BICRAL: variants seen among roughly 807,000 people sequenced by gnomAD.
BICRAL encodes the protein BICRA like chromatin remodeling complex associated protein.
A neutral mutation model predicts 91.8 loss-of-function variants in BICRAL; 8 were observed. That is an observed-to-expected ratio of 0.09 (90% CI 0.05 to 0.16). The LOEUF (loss-of-function observed/expected upper bound fraction) is 0.16, where lower values mean the gene tolerates loss of function less well. Ranked by LOEUF, BICRAL falls within the 10% of genes least tolerant of loss-of-function variation. The pLI is 1.00. For synonymous variants in BICRAL, 445 were observed against 491.1 expected, an observed-to-expected ratio of 0.91 and a Z score of 1.24; for missense variants, 1,038 against 1,310.9, an observed-to-expected ratio of 0.79 and a Z score of 3.21.
intron 1 of BICRAL, among the ~76,000 whole-genome samples, chr6:42,793,296 ATTTTTTTTTT>A (rs35332872): frequency 0.017 from 386 of 22,966 alleles, 6 homozygotes; most frequent in African/African-American, 0.07. Flanking sequence ...GACCCAGCTA[ATTTTTTTTTT>A]TTTTTTTTTT....
chr6:42,753,065 G>A (rs1416983812), intron 1 of BICRAL, among the ~76,000 whole-genome samples: 4 of 151,498 alleles, frequency 2.6e-5, no homozygotes, highest in Non-Finnish European at 5.9e-5. Context: ...TAGCTGGGAC[G>A]ACAGGCACTT....
At chr6:42,763,269 T>C (rs1213290615) in intron 1 of BICRAL, among the ~76,000 whole-genome samples, 3 of 152,190 alleles carry the variant, frequency 2.0e-5, no homozygotes. Flanking sequence ...CAGATGTAAG[T>C]CTTTAATACA....
intron 1 of BICRAL, among the ~76,000 whole-genome samples, chr6:42,757,376 T>C (rs1582799096): frequency 6.6e-6 from 1 of 152,030 alleles, no homozygotes; most frequent in South Asian, 2.1e-4. Flanking sequence ...CTCAGCCTCC[T>C]GAGTAGCTGA....
At position 42,821,984 on chromosome 6, in the gene BICRAL, C is replaced by A. The variant is rs776616777; in HGVS notation, c.-5-34C>A. 4.1e-6 allele frequency: 6 copies of A among 1,460,952 alleles called. No homozygotes were observed. In the South Asian group the frequency reaches 6.9e-5, roughly 17 times the overall value. The allele number at this position is 1,460,952 out of a possible 1,614,324, so 90.5% of individuals were successfully genotyped here. A position where few individuals can be genotyped will look rare whatever the true frequency, so the allele number is the denominator to read the frequency against. On this transcript the variant is annotated intron_variant, in intron 2 of 12. Transcript: ENST00000314073. Reference sequence around the variant, plus strand: ...ATACTACTGTCTTTAATCTGCTTTACTGAAACCTGTTTTCCTCTCCCTTTT... The same window carrying A: ...ATACTACTGTCTTTAATCTGCTTTAATGAAACCTGTTTTCCTCTCCCTTTT...
At position 42,863,684 on chromosome 6, in the gene BICRAL, TTC is replaced by T. The variant is rs1321641378; in HGVS notation, c.2453-973_2453-972del. Among the ~76,000 whole-genome samples the T allele has an allele frequency of 2.6e-5, 4 of 152,330 alleles. No homozygotes were observed. In the South Asian group the frequency reaches 8.3e-4, roughly 32 times the overall value. ...AACCAGGCTGACACCAGGAACTAAT[TTC>T]TGTTTTCAGACTGTTTCAAGGAGGT... On this transcript the variant is annotated intron_variant, in intron 12 of 12. Coordinates refer to ENST00000314073, the MANE Select transcript of BICRAL (RefSeq NM_001393499.1).
chr6:42,858,903 A>T (rs749907203), intron 10 of BICRAL, among the ~76,000 whole-genome samples: 2 of 152,136 alleles, frequency 1.3e-5, no homozygotes, highest in Non-Finnish European at 2.9e-5. Flanking sequence ...ATGCCTGGCC[A>T]TGCTCTTTCC....
At chr6:42,767,100 C>A (rs1762648084) in intron 1 of BICRAL, among the ~76,000 whole-genome samples, 2 of 151,108 alleles carry the variant, frequency 1.3e-5, no homozygotes, top group East Asian at 3.9e-4. Flanking sequence ...TGTAGTGAGC[C>A]AAGATTGTGC....
rs115645791 is a variant in BICRAL at position 42,814,865 on chromosome 6, A to G, written c.-6+4464A>G. ...AAAACATTTGTAATAGTGGCCACAT[A>G]CCAAATTTCAGTTTGCGCAGTCTTT... On this transcript the variant is annotated intron_variant, in intron 2 of 12. Transcript: ENST00000314073. Among the ~76,000 whole-genome samples, 1,086 of 151,988 alleles carry G rather than the reference A, an allele frequency of 7.1e-3. 6 individuals are homozygous for G. The highest frequency in any genetic ancestry group is 0.023 in the African/African-American group (959 of 41,482).
At chr6:42,851,545 T>C (rs1034942772) in intron 6 of BICRAL, among the ~76,000 whole-genome samples, 2 of 152,230 alleles carry the variant, frequency 1.3e-5, no homozygotes, top group Non-Finnish European at 2.9e-5. Context: ...TTGATTTTCA[T>C]TTCTCAATTG....
intron 1 of BICRAL, among the ~76,000 whole-genome samples, chr6:42,756,876 C>G (rs1027642901): frequency 4.7e-5 from 7 of 150,032 alleles, no homozygotes; most frequent in African/African-American, 1.7e-4. Flanking sequence ...GCTTGGCTCT[C>G]GCGCGCGCGC....
intron 9 of BICRAL, 110 bp from the exon 10 acceptor site, chr6:42,856,981 A>G (rs1396950262): frequency 1.1e-6 from 1 of 893,506 alleles, no homozygotes; most frequent in East Asian, 2.6e-5. Context: ...AAACTAAAAA[A>G]CTGCCGTATT....
At chr6:42,778,977 C>T (rs566671470), upstream of BICRAL, among the ~76,000 whole-genome samples, 74 of 152,004 alleles carry the variant, frequency 4.9e-4, no homozygotes, top group Admixed American at 1.2e-3. Flanking sequence ...GCCACCACGC[C>T]TGGCTAATTT....
rs1198143389 is a variant in BICRAL at position 42,865,355 on chromosome 6, G to A, written c.3149G>A (p.Cys1050Tyr). The stretch of plus-strand genomic sequence containing the variant: ...TCTCCTATGGCTTCACAGGAAAACT[G>A]CCTGGAAAAGTTCATCCCGGACCAC... The part of the protein sequence containing the change: ...NFSPMASQEN[C>Y]LEKFIPDHSE... The change falls in exon 13 of 13, where the codon TGC becomes TAC. Residue 1050 changes from cysteine (C) to tyrosine (Y), a missense_variant. Transcript: ENST00000314073. 6.2e-7 allele frequency: 1 copy of A among 1,613,586 alleles called. No individual in the cohort carries two copies. The highest frequency in any genetic ancestry group is 1.3e-5 in the African/African-American group (1 of 74,888).
intron 9 of BICRAL, among the ~76,000 whole-genome samples, chr6:42,856,838 G>A (rs1765374489): frequency 6.6e-6 from 1 of 152,108 alleles, no homozygotes; most frequent in African/African-American, 2.4e-5. Context: ...GTCAGGCACT[G>A]CCAAGGTTTA....
In BICRAL at chr6:42,830,075, T is replaced by G; in HGVS notation, c.1742T>G (p.Val581Gly). 1.9e-6 allele frequency: 3 copies of G among 1,614,144 alleles called. No individual in the cohort carries two copies. Among genetic ancestry groups the G allele is most frequent in the Non-Finnish European group, 2.5e-6 (3 of 1,180,006 alleles). ...LTQPNRTPVP[V>G]SVSHRLPVSS... ...CAGCCAAACAGGACTCCAGTACCAGTCAGTGTGTCTCATCGTCTTCCAGTT... is the reference window on the plus strand; with the variant it reads ...CAGCCAAACAGGACTCCAGTACCAGGCAGTGTGTCTCATCGTCTTCCAGTT... Residue 581 changes from valine (V) to glycine (G), a missense_variant, in exon 6 of 13, where the codon GTC becomes GGC. Val to Gly is a moderately radical substitution (Grantham distance 109). Coordinates refer to ENST00000314073, the MANE Select transcript of BICRAL (RefSeq NM_001393499.1).
chr6:42,825,143 C>G (rs1464900972), intron 5 of BICRAL, among the ~76,000 whole-genome samples: 1 of 151,556 alleles, frequency 6.6e-6, no homozygotes, highest in East Asian at 1.9e-4. Context: ...GCCTGTAATC[C>G]CAGCTACTCA....
chr6:42,851,117 G>A (rs1194941049), intron 6 of BICRAL, among the ~76,000 whole-genome samples: 13 of 152,112 alleles, frequency 8.5e-5, no homozygotes, highest in Admixed American at 6.6e-5. Context: ...CTTGGGAGAC[G>A]GAGGTTGCAG....
intron 1 of BICRAL, among the ~76,000 whole-genome samples, chr6:42,785,759 A>G (rs562848409): frequency 1.3e-5 from 2 of 152,178 alleles, no homozygotes; most frequent in African/African-American, 2.4e-5. Context: ...GAATATGGAT[A>G]AAAACACAGG....
intron 6 of BICRAL, among the ~76,000 whole-genome samples, chr6:42,851,629 T>C (rs1217647622): frequency 1.3e-5 from 2 of 152,202 alleles, no homozygotes; most frequent in Non-Finnish European, 2.9e-5. Context: ...CTTTATATCA[T>C]CTACACAGCA....
Sources: allele counts gnomAD v4.1 joint callset (sites outside exome capture counted in the v4.1 genomes callset), GRCh38; gene constraint gnomAD v4.1.1; transcripts MANE v1.5; gene names NCBI Gene and HGNC (gene_info 2026-07-23, HGNC 2026-07-21).